The following NUP62CL variants were observed in gnomAD, a reference collection of about 807,000 sequenced individuals.
NUP62CL encodes nucleoporin 62 C-terminal like, also known as nucleoporin-62 C-terminal-like protein.
In NUP62CL, 13 loss-of-function variants were observed where a neutral mutation model predicts 15.3. The ratio of observed to expected loss-of-function variants is 0.85; its 90% CI spans 0.55 to 1.35. NUP62CL has a LOEUF of 1.35. Ranked by LOEUF, NUP62CL falls within the 40% of genes most tolerant of loss-of-function variation. The pLI is 0.00. For missense variants in NUP62CL, 123 were observed against 130.6 expected, an observed-to-expected ratio of 0.94 and a Z score of 0.28; for synonymous variants, 54 against 49.2, an observed-to-expected ratio of 1.10 and a Z score of -0.41.
At chrX:107,136,891 ACT>A (rs759445207) in intron 8 of NUP62CL, among the ~76,000 whole-genome samples, 5 of 110,903 alleles carry the variant, frequency 4.5e-5, no homozygotes, top group South Asian at 7.7e-4. Flanking sequence ...ACAAGGTGAA[ACT>A]CTGTCTCTAC....
intron 8 of NUP62CL, chrX:107,131,628 G>A (rs12688091): frequency 0.28 from 142,190 of 511,170 alleles, 14,080 homozygotes; most frequent in East Asian, 0.44. Flanking sequence ...GCGAGGCGCC[G>A]CGGGACCAAG....
chrX:107,163,876 C>G (rs1926447033), intron 4 of NUP62CL, among the ~76,000 whole-genome samples: 1 of 111,057 alleles, frequency 9.0e-6, no homozygotes, highest in Non-Finnish European at 1.9e-5. Flanking sequence ...ACTGATAGAG[C>G]TAAAGGGAGA....
intron 8 of NUP62CL, chrX:107,131,680 G>A (rs1453500055): frequency 9.1e-5 from 60 of 660,751 alleles, no homozygotes; most frequent in Non-Finnish European, 1.4e-4. Context: ...GAGAAGAGGA[G>A]GAAGAGGAGG....
In NUP62CL at chrX:107,178,517, G is replaced by C. The variant is rs749007162; in HGVS notation, c.-47-3324C>G. Among the ~76,000 whole-genome samples, 6 of 112,298 alleles carry C rather than the reference G, an allele frequency of 5.3e-5. No individual in the cohort carries two copies. In the East Asian group the frequency reaches 1.7e-3, roughly 31 times the overall value. ...ACATAATAGTAATTGTTCAATAAATGTTTCTGCTGAATTGAACCAACTTTT... is the reference window on the plus strand; with the variant it reads ...ACATAATAGTAATTGTTCAATAAATCTTTCTGCTGAATTGAACCAACTTTT... On this transcript the variant is annotated intron_variant, in intron 2 of 8. Coordinates refer to ENST00000372466, the MANE Select transcript of NUP62CL (RefSeq NM_017681.3).
intron 8 of NUP62CL, among the ~76,000 whole-genome samples, chrX:107,142,845 G>T (rs1357153810): frequency 8.9e-6 from 1 of 111,993 alleles, no homozygotes; most frequent in African/African-American, 3.2e-5. Context: ...CTGCAGCATT[G>T]CCATCAAGTC....
intron 7 of NUP62CL, among the ~76,000 whole-genome samples, chrX:107,152,081 T>TATATATATATATTCAG (rs1926037649): frequency 7.1e-5 from 5 of 70,719 alleles, no homozygotes; most frequent in African/African-American, 3.3e-4. Flanking sequence ...TATATTCAGA[T>TATATATATATATTCAG]ATATATATAT....
At chrX:107,180,936 G>A (rs1407279223) in intron 2 of NUP62CL, among the ~76,000 whole-genome samples, 2 of 92,052 alleles carry the variant, frequency 2.2e-5, no homozygotes, top group African/African-American at 8.2e-5. Context: ...TTTTTTTGAG[G>A]TGGAGTCTCG....
chrX:107,197,830 T>C (rs1454413930), intron 1 of NUP62CL, among the ~76,000 whole-genome samples: 1 of 111,862 alleles, frequency 8.9e-6, no homozygotes, highest in Non-Finnish European at 1.9e-5. Context: ...TTAAATGCAT[T>C]TGGAGCCTCA....
chrX:107,180,059 C>G (rs1274588016), intron 2 of NUP62CL, among the ~76,000 whole-genome samples: 2 of 111,599 alleles, frequency 1.8e-5, no homozygotes, highest in African/African-American at 3.3e-5. Context: ...AAAAGGTGTT[C>G]AACCTCATTT....
chrX:107,195,208 G>A (rs912367216), intron 1 of NUP62CL, among the ~76,000 whole-genome samples: 2 of 111,581 alleles, frequency 1.8e-5, no homozygotes, highest in Admixed American at 1.9e-4. Context: ...AGAACTAAAA[G>A]CCATTTTTGC....
chrX:107,193,870 G>C lies in NUP62CL; in HGVS notation c.-91-798C>G, dbSNP rs192066757. On this transcript the variant is annotated intron_variant, in intron 1 of 8. Transcript: ENST00000372466. Reference sequence around the variant, plus strand: ...GTTCAAAGAGCTCAAGAAAGAAATAGCATCCATAAAACTAAGTGAATGTGA... The same window carrying C: ...GTTCAAAGAGCTCAAGAAAGAAATACCATCCATAAAACTAAGTGAATGTGA... 2.7e-5 allele frequency among the ~76,000 whole-genome samples: 3 copies of C among 111,180 alleles called. No individual in the cohort carries two copies. In the East Asian group the frequency reaches 8.4e-4, roughly 31 times the overall value.
chrX:107,153,388 A>G (rs1926095815), intron 6 of NUP62CL, 66 bp downstream of exon 6: 1 of 1,017,393 alleles, frequency 9.8e-7, no homozygotes, highest in Non-Finnish European at 1.3e-6. Flanking sequence ...CTACAGAAGG[A>G]AAAAAAAAAC....
At chrX:107,133,767 G>A (rs1281669974) in intron 8 of NUP62CL, among the ~76,000 whole-genome samples, 1 of 111,992 alleles carries the variant, frequency 8.9e-6, no homozygotes, top group East Asian at 2.8e-4. Context: ...GTGAAACCCC[G>A]TCTCTACTAA....
At chrX:107,182,850 T>C (rs1926952016) in intron 2 of NUP62CL, among the ~76,000 whole-genome samples, 1 of 111,778 alleles carries the variant, frequency 8.9e-6, no homozygotes, top group African/African-American at 3.3e-5. Flanking sequence ...GAAAGGCCTA[T>C]ATGAATAAGC....
chrX:107,164,584 TAAAA>T (rs1401189656), intron 4 of NUP62CL, among the ~76,000 whole-genome samples: 1 of 111,547 alleles, frequency 9.0e-6, no homozygotes, highest in Non-Finnish European at 1.9e-5. Context: ...ATAAAATTGA[TAAAA>T]GAAAGACACA....
At chrX:107,167,181 T>C (rs925481456) in intron 4 of NUP62CL, among the ~76,000 whole-genome samples, 1 of 112,016 alleles carries the variant, frequency 8.9e-6, no homozygotes, top group Non-Finnish European at 1.9e-5. Flanking sequence ...AGAAACATCA[T>C]ATACAGGCTC....
chrX:107,194,891 A>G (rs1341421478), intron 1 of NUP62CL, among the ~76,000 whole-genome samples: 2 of 93,530 alleles, frequency 2.1e-5, no homozygotes, highest in Admixed American at 2.8e-4. Context: ...ATCTCAGCTC[A>G]CTGTAACCTC....
chrX:107,157,847 A>G (rs1432666723), intron 4 of NUP62CL, among the ~76,000 whole-genome samples: 1 of 111,241 alleles, frequency 9.0e-6, no homozygotes, highest in Non-Finnish European at 1.9e-5. Context: ...TTGGATAAAG[A>G]GTCAAGACCC....
At chrX:107,191,283 C>A (rs1042795957) in intron 2 of NUP62CL, among the ~76,000 whole-genome samples, 1 of 106,461 alleles carries the variant, frequency 9.4e-6, no homozygotes. Flanking sequence ...TATAGGAATA[C>A]ATGTACAGAG....
Sources: gnomAD v4.1 joint callset for allele counts (sites outside exome capture counted in the v4.1 genomes callset) on GRCh38, gnomAD v4.1.1 for gene constraint, MANE v1.5 for transcripts, NCBI Gene and HGNC (gene_info 2026-07-23, HGNC 2026-07-21) for gene names.